Variants in RANGAP1 observed in about 807,000 individuals in gnomAD.
RANGAP1 encodes Ran GTPase activating protein 1, also known as ran GTPase-activating protein 1.
RANGAP1 carries 38 observed loss-of-function variants against 63.5 expected under a neutral mutation model. The observed-to-expected ratio is 0.60, with a 90% confidence interval of 0.46 to 0.78. The LOEUF (loss-of-function observed/expected upper bound fraction) is 0.78, where lower values mean the gene tolerates loss of function less well. Among genes scored for constraint, RANGAP1 ranks in the 30% least tolerant of loss-of-function variants. The pLI is 0.00. For synonymous variants in RANGAP1, 329 were observed against 310.5 expected (o/e 1.06, Z -0.63); for missense variants, 630 against 740.3 (o/e 0.85, Z 1.73).
At chr22:41,293,233 C>T in the RANGAP1 span, among the ~76,000 whole-genome samples, 1 of 94,884 alleles carries the variant, frequency 1.1e-5, no homozygotes, top group South Asian at 3.3e-4. Context: ...AGACTCCTCT[C>T]AAAAAAAAAA....
At chr22:41,294,770 G>T in the RANGAP1 span, among the ~76,000 whole-genome samples, 1 of 133,176 alleles carries the variant, frequency 7.5e-6, no homozygotes, top group Non-Finnish European at 1.6e-5. Context: ...GAGCCCCTCC[G>T]CCCGGCAGCC....
chr22:41,270,154 T>C (rs1226092085), intron 3 of RANGAP1, among the ~76,000 whole-genome samples: 2 of 151,732 alleles, frequency 1.3e-5, no homozygotes, highest in Non-Finnish European at 2.9e-5. Flanking sequence ...TATTTATTTA[T>C]TTTTTAAGAC....
intron 3 of RANGAP1, 48 bp from the exon 4 acceptor site, chr22:41,268,204 G>A (rs1327840197): frequency 2.1e-6 from 3 of 1,431,438 alleles, no homozygotes; most frequent in Non-Finnish European, 2.9e-6. Flanking sequence ...ACCCCTGGAG[G>A]CCCATAGTGA....
At chr22:41,281,140 G>A in intron 1 of RANGAP1, 58 bp from the exon 2 acceptor site, 1 of 1,450,756 alleles carries the variant, frequency 6.9e-7, no homozygotes, top group Non-Finnish European at 9.1e-7. Flanking sequence ...CTGGTTGGGG[G>A]CAGGGTAGGA....
chr22:41,284,567 CA>C (rs748021374), intron 1 of RANGAP1, among the ~76,000 whole-genome samples: 219 of 132,070 alleles, frequency 1.7e-3, no homozygotes, highest in African/African-American at 1.8e-3. Context: ...AACTCCGTCT[CA>C]AAAAAAAAAA....
In RANGAP1 at chr22:41,264,782, T is replaced by C; in HGVS notation, c.362A>G (p.Asp121Gly). 6.2e-7 allele frequency: 1 copy of C among 1,614,064 alleles called. No individual in the cohort carries two copies. Among genetic ancestry groups the C allele is most frequent in the Non-Finnish European group, 8.5e-7 (1 of 1,179,884 alleles). Reference sequence around the variant, plus strand: ...CACACCGTCGGGCCCGAATGCGTTGTCGCTTAAGTCCAGCTCCACCAGCTG... The same window carrying C: ...CACACCGTCGGGCCCGAATGCGTTGCCGCTTAAGTCCAGCTCCACCAGCTG... ...GAQLVELDLS[D>G]NAFGPDGVQG... Residue 121 changes from aspartate (D) to glycine (G), a missense_variant, in exon 5 of 16, where the codon GAC becomes GGC. By Grantham distance (94) the Asp-to-Gly change is moderately conservative. This residue lies in a region of RANGAP1 where 137 missense variants were observed against 214.3 expected (regional missense o/e 0.64). Coordinates refer to ENST00000356244, the MANE Select transcript of RANGAP1 (RefSeq NM_002883.4).
chr22:41,280,790 A>G, intron 2 of RANGAP1, 143 bp downstream of exon 2: 1 of 1,525,852 alleles, frequency 6.6e-7, no homozygotes, highest in Non-Finnish European at 8.8e-7. Context: ...CCTCATTGTT[A>G]GAATAGGCCC....
At chr22:41,277,536 G>GAGAT in intron 2 of RANGAP1, 1 of 1,188,726 alleles carries the variant, frequency 8.4e-7, no homozygotes, top group Non-Finnish European at 1.1e-6. Context: ...TGGGAGGGAA[G>GAGAT]AGATAGAGAT....
intron 13 of RANGAP1, among the ~76,000 whole-genome samples, chr22:41,250,426 C>T (rs1374088904): frequency 6.6e-6 from 1 of 152,234 alleles, no homozygotes; most frequent in Non-Finnish European, 1.5e-5. Context: ...TCCCCTCTGC[C>T]TAACCGGAAC....
chr22:41,296,229 A>G, the RANGAP1 span, among the ~76,000 whole-genome samples: 1 of 152,074 alleles, frequency 6.6e-6, no homozygotes, highest in Non-Finnish European at 1.5e-5. Context: ...AAATTAGGTA[A>G]CAAAAGTCCA....
At chr22:41,247,356 G>A (rs1222028503) in intron 15 of RANGAP1, among the ~76,000 whole-genome samples, 1 of 151,760 alleles carries the variant, frequency 6.6e-6, no homozygotes, top group Non-Finnish European at 1.5e-5. Context: ...CGCCAGGCTG[G>A]TTGTTTTTTT....
rs1555929933 is a variant in RANGAP1 at position 41,254,395 on chromosome 22, C to T, written c.1173G>A (p.Glu391=). 5.0e-6 allele frequency: 8 copies of T among 1,613,776 alleles called. 1 individual carries two copies. The South Asian group carries it at 8.8e-5, about 18-fold the overall frequency. Residue 391 remains glutamate (E), a synonymous_variant, in exon 11 of 16, where the codon GAG becomes GAA. Transcript: ENST00000356244. ...GCTGAGGCTCTTCTTCCTCCTCCTC[C>T]TCCTCTTCTTCCTCCTCTTCCTCAT... ...EEDEEEEEEE[E]EEEEEEPQQR... is the part of the protein sequence containing the mutation.
chr22:41,277,732 G>A lies in RANGAP1; in HGVS notation c.113-3005C>T, dbSNP rs539167848. On this transcript the variant is annotated intron_variant, in intron 2 of 15. Coordinates refer to ENST00000356244, the MANE Select transcript of RANGAP1 (RefSeq NM_002883.4). Reference sequence around the variant, plus strand: ...CACTTCCAGATGCCAGGGGATTCAGGGTTGGTCAGTGCCAGCCAAGCCTTG... The same window carrying A: ...CACTTCCAGATGCCAGGGGATTCAGAGTTGGTCAGTGCCAGCCAAGCCTTG... Among the ~76,000 whole-genome samples, 6 of 152,142 alleles carry A rather than the reference G, an allele frequency of 3.9e-5. No individual in the cohort carries two copies. In the South Asian group the frequency reaches 1.2e-3, roughly 31 times the overall value.
chr22:41,278,242 T>C (rs2035274441), intron 2 of RANGAP1, among the ~76,000 whole-genome samples: 1 of 152,158 alleles, frequency 6.6e-6, no homozygotes, highest in African/African-American at 2.4e-5. Context: ...TTTCTCCATG[T>C]TGGCCAGGCT....
In RANGAP1 at chr22:41,246,468, G is replaced by A. The variant is rs546983348; in HGVS notation, c.*135C>T. 19 of 884,578 alleles carry A rather than the reference G, an allele frequency of 2.1e-5. No homozygotes were observed. The African/African-American group carries it at 3.0e-4, about 14-fold the overall frequency. 54.8% of individuals were successfully genotyped at this position (884,578 alleles called of 1,614,324 possible). On this transcript the variant is annotated 3_prime_UTR_variant, in exon 16 of 16. Transcript: ENST00000356244. ...CACACACATACTCAGGGGACTGACA[G>A]GACACATGGGACACAGACCCGCCCT...
At chr22:41,280,544 G>A in intron 2 of RANGAP1, 1 of 705,590 alleles carries the variant, frequency 1.4e-6, no homozygotes, top group South Asian at 1.6e-5. Context: ...CCTCAGCTCT[G>A]GGGAAAGCTG....
upstream of RANGAP1, among the ~76,000 whole-genome samples, chr22:41,287,753 G>A (rs1294661850): frequency 5.9e-5 from 9 of 151,894 alleles, no homozygotes; most frequent in East Asian, 1.2e-3. Context: ...TTGGGAGGCC[G>A]AGGCGGGCGG....
At chr22:41,282,261 C>CT (rs1286213135) in intron 1 of RANGAP1, 3 of 152,394 alleles carry the variant, frequency 2.0e-5, no homozygotes, top group African/African-American at 7.2e-5. Flanking sequence ...ATGACTGCCA[C>CT]TGCACTCCAG....
At chr22:41,269,124 G>C (rs571319074) in intron 3 of RANGAP1, among the ~76,000 whole-genome samples, 16 of 152,170 alleles carry the variant, frequency 1.1e-4, no homozygotes, top group Admixed American at 7.2e-4. Context: ...CTGTCGCCTA[G>C]GCTGGAGTGC....
Sources: gnomAD v4.1 joint callset for allele counts (sites outside exome capture counted in the v4.1 genomes callset) on GRCh38, gnomAD v4.1.1 for gene constraint, gnomAD v4.1.1 regional missense constraint, MANE v1.5 for transcripts, NCBI Gene and HGNC (gene_info 2026-07-23, HGNC 2026-07-21) for gene names.